DAB1: variants seen among roughly 807,000 people sequenced by gnomAD.
The protein encoded by DAB1 is disabled homolog 1.
A neutral mutation model predicts 64.6 loss-of-function variants in DAB1; 15 were observed. The observed-to-expected ratio is 0.23, with a 90% CI of 0.16 to 0.36. The LOEUF (loss-of-function observed/expected upper bound fraction) is 0.36. Ranked by LOEUF, DAB1 falls within the 10% of genes least tolerant of loss-of-function variation. The probability of loss-of-function intolerance (pLI) is 1.00; values close to 1 mark genes in which losing one functional copy is unlikely to be tolerated. For synonymous variants in DAB1, 235 were observed against 251.9 expected, an observed-to-expected ratio of 0.93 and a Z score of 0.64; for missense variants, 596 against 706.7, an observed-to-expected ratio of 0.84 and a Z score of 1.78.
intron 4 of DAB1, among the ~76,000 whole-genome samples, chr1:58,317,284 C>A (rs1249641048): frequency 6.6e-6 from 1 of 152,258 alleles, no homozygotes; most frequent in African/African-American, 2.4e-5. Flanking sequence ...GCCCACATGG[C>A]AGGCAGAATG....
At chr1:58,506,068 T>C (rs1363142908) in exon 3 of DAB1, 2 of 870,340 alleles carry the variant, frequency 2.3e-6, no homozygotes, top group African/African-American at 3.3e-5. Context: ...ACCTGAGGTA[T>C]AAGTCTATCC....
intron 5 of DAB1, among the ~76,000 whole-genome samples, chr1:58,109,872 C>A (rs936138424): frequency 6.6e-6 from 1 of 151,822 alleles, no homozygotes; most frequent in Admixed American, 6.6e-5. Context: ...GATCTGCCCA[C>A]CACTGCCCCC....
chr1:58,042,527 C>T (rs542679654), intron 5 of DAB1, among the ~76,000 whole-genome samples: 10 of 152,158 alleles, frequency 6.6e-5, no homozygotes, highest in South Asian at 4.2e-4. Context: ...ACATACTGAG[C>T]GATAGTTCCA....
chr1:58,094,175 G>T (rs190696715), intron 5 of DAB1, among the ~76,000 whole-genome samples: 2 of 152,310 alleles, frequency 1.3e-5, no homozygotes, highest in Non-Finnish European at 2.9e-5. Flanking sequence ...CCACCCCATT[G>T]CTCTGTCCCT....
intron 1 of DAB1, among the ~76,000 whole-genome samples, chr1:57,869,340 C>A (rs181950258): frequency 2.0e-5 from 3 of 152,088 alleles, no homozygotes; most frequent in African/African-American, 4.8e-5. Flanking sequence ...TTCCTACAGA[C>A]AAAACCAAGT....
At chr1:57,483,228 T>A (rs949109118) in intron 7 of DAB1, among the ~76,000 whole-genome samples, 1 of 152,222 alleles carries the variant, frequency 6.6e-6, no homozygotes, top group Admixed American at 6.5e-5. Flanking sequence ...CTGATATGGT[T>A]TGGCTGTGTC....
intron 2 of DAB1, among the ~76,000 whole-genome samples, chr1:57,245,389 G>A (rs1411877375): frequency 3.3e-5 from 5 of 152,150 alleles, no homozygotes; most frequent in East Asian, 1.9e-4. Context: ...CCATCAACTC[G>A]TCACTTACAT....
intron 5 of DAB1, among the ~76,000 whole-genome samples, chr1:57,977,331 G>A (rs936459356): frequency 6.6e-6 from 1 of 152,140 alleles, no homozygotes; most frequent in Non-Finnish European, 1.5e-5. Flanking sequence ...GAGATATCCA[G>A]ATCACCCTGA....
At chr1:57,830,143 G>A (rs1177069994) in intron 1 of DAB1, among the ~76,000 whole-genome samples, 1 of 152,196 alleles carries the variant, frequency 6.6e-6, no homozygotes, top group Non-Finnish European at 1.5e-5. Context: ...GTGACTGACA[G>A]AGACAGGATT....
chr1:57,264,280 C>A (rs1478077678), intron 2 of DAB1, among the ~76,000 whole-genome samples: 2 of 152,048 alleles, frequency 1.3e-5, no homozygotes, highest in Non-Finnish European at 2.9e-5. Flanking sequence ...CCTCAATGAA[C>A]AAAACACACA....
At chr1:57,864,641 A>AT (rs1305847552) in intron 1 of DAB1, 2 of 150,304 alleles carry the variant, frequency 1.3e-5, no homozygotes, top group African/African-American at 2.4e-5. Context: ...CTAATTTCTT[A>AT]TTTTTTAAAA....
chr1:58,373,141 C>A (rs1232673404), intron 3 of DAB1, among the ~76,000 whole-genome samples: 1 of 150,296 alleles, frequency 6.7e-6, no homozygotes, highest in East Asian at 1.9e-4. Context: ...TAATACTTTT[C>A]TAACCAAAGC....
intron 6 of DAB1, among the ~76,000 whole-genome samples, chr1:57,816,784 T>G (rs1651873968): frequency 6.6e-6 from 1 of 152,212 alleles, no homozygotes; most frequent in Non-Finnish European, 1.5e-5. Context: ...CCTACCACTC[T>G]GTTTTTCAAA....
intron 5 of DAB1, among the ~76,000 whole-genome samples, chr1:58,012,461 C>G (rs938953204): frequency 6.6e-6 from 1 of 152,064 alleles, no homozygotes; most frequent in Non-Finnish European, 1.5e-5. Flanking sequence ...ACAACGTGCA[C>G]ATGTACCCTA....
intron 3 of DAB1, among the ~76,000 whole-genome samples, chr1:58,361,275 T>C (rs997275513): frequency 1.3e-5 from 2 of 152,202 alleles, no homozygotes; most frequent in Admixed American, 6.5e-5. Flanking sequence ...AGTGTGTGGT[T>C]AGAGAGAAAA....
At chr1:57,365,290 TTATA>T (rs1679897087) in intron 1 of DAB1, among the ~76,000 whole-genome samples, 1 of 141,578 alleles carries the variant, frequency 7.1e-6, no homozygotes, top group Non-Finnish European at 1.5e-5. Context: ...TATTTATATA[TTATA>T]TAAAGAATAC....
chr1:57,433,324 T>C (rs927977723), intron 7 of DAB1, among the ~76,000 whole-genome samples: 3 of 152,136 alleles, frequency 2.0e-5, no homozygotes, highest in Non-Finnish European at 4.4e-5. Flanking sequence ...ACTAGAAAGC[T>C]CTAGTAATCA....
intron 1 of DAB1, chr1:57,880,199 C>CT (rs1380143419): frequency 6.6e-6 from 1 of 151,856 alleles, no homozygotes; most frequent in Admixed American, 6.6e-5. Context: ...CAGGACCTCT[C>CT]TTTTGGTTGC....
chr1:58,319,910 G>A (rs972802883), intron 4 of DAB1, among the ~76,000 whole-genome samples: 7 of 152,154 alleles, frequency 4.6e-5, no homozygotes, highest in Non-Finnish European at 8.8e-5. Context: ...TCAGTGTCTT[G>A]TTCAGGATTT....
Sources: gnomAD v4.1 joint callset for allele counts (sites outside exome capture counted in the v4.1 genomes callset) on GRCh38, gnomAD v4.1.1 for gene constraint, MANE v1.5 for transcripts, NCBI Gene and HGNC (gene_info 2026-07-23, HGNC 2026-07-21) for gene names.